The following CALD1 variants were observed in gnomAD, a reference collection of about 807,000 sequenced individuals.
CALD1 encodes the protein caldesmon 1.
Under a neutral mutation model 99.9 loss-of-function variants are expected in CALD1, and 33 were observed. The observed-to-expected ratio is 0.33, with a 90% CI of 0.25 to 0.44. The LOEUF (loss-of-function observed/expected upper bound fraction) is 0.44, where lower values mean the gene tolerates loss of function less well. CALD1 is among the 20% of genes least tolerant of loss of function. The pLI is 1.00. For synonymous variants in CALD1, 310 were observed against 325.0 expected (o/e 0.95, Z 0.50); for missense variants, 861 against 962.1 (o/e 0.89, Z 1.39).
At chr7:134,951,026 T>C (rs935281362) in intron 9 of CALD1, among the ~76,000 whole-genome samples, 3 of 152,336 alleles carry the variant, frequency 2.0e-5, no homozygotes, top group African/African-American at 7.2e-5. Flanking sequence ...ATGTGGTGTC[T>C]AGTGAGGGCC....
At chr7:134,959,563 G>A (rs151306940) in intron 11 of CALD1, among the ~76,000 whole-genome samples, 2 of 152,108 alleles carry the variant, frequency 1.3e-5, no homozygotes, top group East Asian at 1.9e-4. Context: ...CCAGCTACTC[G>A]GGAAGCTGAA....
chr7:134,769,084 TATAC>T (rs1796855094), intron 1 of CALD1, among the ~76,000 whole-genome samples: 1 of 150,608 alleles, frequency 6.6e-6, no homozygotes. Flanking sequence ...TTTTTATAAT[TATAC>T]ATATATTTAT....
intron 3 of CALD1, among the ~76,000 whole-genome samples, chr7:134,885,487 A>G (rs1489890028): frequency 6.6e-6 from 1 of 152,212 alleles, no homozygotes; most frequent in Non-Finnish European, 1.5e-5. Context: ...CTGGAAAAAA[A>G]TCTGGATTTC....
chr7:134,963,124 T>G (rs1808404635), intron 13 of CALD1, among the ~76,000 whole-genome samples: 1 of 152,234 alleles, frequency 6.6e-6, no homozygotes, highest in Non-Finnish European at 1.5e-5. Flanking sequence ...TTGTCTCATA[T>G]GAATCAAATA....
At chr7:134,917,510 A>G (rs1014856222) in intron 3 of CALD1, among the ~76,000 whole-genome samples, 3 of 152,050 alleles carry the variant, frequency 2.0e-5, no homozygotes, top group Non-Finnish European at 4.4e-5. Flanking sequence ...CACCACGCCC[A>G]GCTAACTTTT....
chr7:134,958,176 C>CAT lies in CALD1; in HGVS notation c.1980-30_1980-29dup, dbSNP rs145905671. The CAT allele has an allele frequency of 6.8e-5, 109 of 1,610,428 alleles. 1 individual carries two copies. The East Asian group carries it at 1.4e-3, about 21-fold the overall frequency. On this transcript the variant is annotated intron_variant, in intron 10 of 14. Transcript: ENST00000361675. The stretch of plus-strand genomic sequence containing the variant: ...GCATATGTATGAGAAGATTCTCTCT[C>CAT]ATATTTTTATATGTATGTGTTTACT...
rs537503187 is a variant in CALD1, at chr7:134,849,090, T to C, written c.-42+5119T>C. 4.3e-4 allele frequency among the ~76,000 whole-genome samples: 65 copies of C among 152,312 alleles called. No homozygotes were observed. In the South Asian group the frequency reaches 0.013, roughly 30 times the overall value. On this transcript the variant is annotated intron_variant, in intron 2 of 14. Coordinates refer to ENST00000361675, the MANE Select transcript of CALD1 (RefSeq NM_033138.4). The stretch of plus-strand genomic sequence containing the variant: ...CCAATGACGTGTTCAGTGACGTAAA[T>C]TGTGATTTCTAATACTGTATTTATT...
At chr7:134,746,430 T>C (rs1291310399) in intron 1 of CALD1, among the ~76,000 whole-genome samples, 2 of 152,218 alleles carry the variant, frequency 1.3e-5, no homozygotes, top group Admixed American at 6.5e-5. Context: ...TTATGGTACT[T>C]TGTTCTGGCA....
At chr7:134,859,434 A>G (rs1800467965) in intron 2 of CALD1, among the ~76,000 whole-genome samples, 1 of 152,190 alleles carries the variant, frequency 6.6e-6, no homozygotes, top group Non-Finnish European at 1.5e-5. Flanking sequence ...CTGATTTAGC[A>G]TTAAACTCTG....
intron 1 of CALD1, among the ~76,000 whole-genome samples, chr7:134,764,542 A>G (rs1291507731): frequency 6.6e-6 from 1 of 152,030 alleles, no homozygotes; most frequent in Non-Finnish European, 1.5e-5. Context: ...TCATTGATTA[A>G]TTAGTTATTC....
At chr7:134,963,046 C>T (rs1033383732) in intron 13 of CALD1, 4 of 376,096 alleles carry the variant, frequency 1.1e-5, no homozygotes, top group South Asian at 2.1e-5. Flanking sequence ...AAAGATTCAT[C>T]GGCAGGATTT....
intron 4 of CALD1, among the ~76,000 whole-genome samples, chr7:134,931,597 T>G (rs916140338): frequency 6.6e-5 from 10 of 152,208 alleles, no homozygotes; most frequent in Non-Finnish European, 1.5e-4. Flanking sequence ...ACTATGAAAT[T>G]TGATGGAGTT....
chr7:134,741,202 TA>T (rs1174150046), upstream of CALD1, among the ~76,000 whole-genome samples: 1 of 151,964 alleles, frequency 6.6e-6, no homozygotes, highest in Non-Finnish European at 1.5e-5. Context: ...CACAGTTCCA[TA>T]AGGCTGGGGA....
At position 134,821,584 on chromosome 7, in the gene CALD1, A is replaced by AT. The variant is rs374476476; in HGVS notation, c.-129-22284dup. ...TTAACTTTTTAAAAGAGTCAACGAC[A>AT]TTTTTTTTTTTTTTTTGAGACAGAG... is the stretch of plus-strand genomic sequence containing the variant. On this transcript the variant is annotated intron_variant, in intron 1 of 14. Coordinates refer to ENST00000361675, the MANE Select transcript of CALD1 (RefSeq NM_033138.4). 8.6e-3 allele frequency among the ~76,000 whole-genome samples: 1,155 copies of AT among 134,742 alleles called. 11 individuals are homozygous for AT. Among genetic ancestry groups the AT allele is most frequent in the Non-Finnish European group, 0.013 (810 of 62,498 alleles). The allele number at this position is 134,742 out of a possible 152,430, so 88.4% of individuals were successfully genotyped here. A position where few individuals can be genotyped will look rare whatever the true frequency, so the allele number is the denominator to read the frequency against.
upstream of CALD1, among the ~76,000 whole-genome samples, chr7:134,743,966 T>C (rs974981314): frequency 1.3e-5 from 2 of 152,180 alleles, no homozygotes; most frequent in South Asian, 2.1e-4. Context: ...ATACAATCAA[T>C]GAAAAATAGC....
At chr7:134,940,502 A>G (rs1403862491) in intron 6 of CALD1, among the ~76,000 whole-genome samples, 2 of 152,108 alleles carry the variant, frequency 1.3e-5, no homozygotes, top group Non-Finnish European at 2.9e-5. Flanking sequence ...GTTCTCACAG[A>G]CCCCACATAT....
the CALD1 span, among the ~76,000 whole-genome samples, chr7:134,718,129 T>A: frequency 2.5e-3 from 388 of 152,354 alleles, 1 homozygote; most frequent in African/African-American, 8.9e-3. Context: ...GCAGTTTTTT[T>A]ATAAGTGCCT....
intron 1 of CALD1, among the ~76,000 whole-genome samples, chr7:134,790,119 G>A (rs927936740): frequency 6.6e-6 from 1 of 151,192 alleles, no homozygotes; most frequent in Non-Finnish European, 1.5e-5. Flanking sequence ...GGAGAGGACA[G>A]AGAGGGAGGA....
chr7:134,891,405 G>A, intron 3 of CALD1: 1 of 1,283,098 alleles, frequency 7.8e-7, no homozygotes. Context: ...GAGGGAACGG[G>A]TTGGGAGGAG....
Sources: gnomAD v4.1 joint callset for allele counts (sites outside exome capture counted in the v4.1 genomes callset) on GRCh38, gnomAD v4.1.1 for gene constraint, MANE v1.5 for transcripts, NCBI Gene and HGNC (gene_info 2026-07-23, HGNC 2026-07-21) for gene names.